The following UTRN variants were observed in gnomAD, a reference collection of about 807,000 sequenced individuals.
UTRN encodes utrophin.
UTRN carries 283 observed loss-of-function variants against 463.9 expected under a neutral mutation model. That is an observed-to-expected ratio of 0.61 (90% CI 0.55 to 0.67). The LOEUF is 0.67. Ranked by LOEUF, UTRN falls within the 30% of genes least tolerant of loss-of-function variation. UTRN has a pLI of 0.00. For synonymous variants in UTRN, 1,442 were observed against 1,431.5 expected, an observed-to-expected ratio of 1.01 and a Z score of -0.17; for missense variants, 3,922 against 4,084.3, an observed-to-expected ratio of 0.96 and a Z score of 1.08.
At chr6:144,488,968 C>G in intron 30 of UTRN, 134 bp downstream of exon 30, 1 of 834,054 alleles carries the variant, frequency 1.2e-6, no homozygotes, top group Non-Finnish European at 1.7e-6. Context: ...TACAGGGCAG[C>G]ATTTGGGTTT....
chr6:144,337,022 T>A (rs1490812554), intron 2 of UTRN, among the ~76,000 whole-genome samples: 2 of 152,108 alleles, frequency 1.3e-5, no homozygotes, highest in Non-Finnish European at 2.9e-5. Flanking sequence ...CAGATCGCTG[T>A]CAGCCACTGG....
chr6:144,568,446 C>A (rs909089021), intron 50 of UTRN, among the ~76,000 whole-genome samples: 2 of 152,056 alleles, frequency 1.3e-5, no homozygotes, highest in Admixed American at 6.6e-5. Flanking sequence ...TGTATTATCT[C>A]GTTATTTTTC....
rs200615551 is a variant in UTRN at position 144,346,821 on chromosome 6, TA to T, written c.79+54924del. On this transcript the variant is annotated intron_variant, in intron 2 of 74. Coordinates refer to ENST00000367545, the MANE Select transcript of UTRN (RefSeq NM_007124.3). The stretch of plus-strand genomic sequence containing the variant: ...CCGGGCATCAGGGCGAGACTCTGTT[TA>T]AAAAAAAAATAGATCTCTATCTCTA... Among the ~76,000 whole-genome samples, 345 of 149,836 alleles carry T rather than the reference TA, an allele frequency of 2.3e-3. 4 individuals carry two copies. The East Asian group carries it at 0.056, about 24-fold the overall frequency.
intron 14 of UTRN, 88 bp from the exon 15 acceptor site, chr6:144,447,123 A>T: frequency 8.0e-7 from 1 of 1,255,120 alleles, no homozygotes; most frequent in Non-Finnish European, 1.1e-6. Flanking sequence ...GCCTCTAATA[A>T]AATAAAAGTT....
chr6:144,585,162 A>G (rs943930646), intron 51 of UTRN, among the ~76,000 whole-genome samples: 1 of 152,138 alleles, frequency 6.6e-6, no homozygotes, highest in Non-Finnish European at 1.5e-5. Flanking sequence ...AAATAGGCAC[A>G]AGTTAAGTCA....
intron 51 of UTRN, among the ~76,000 whole-genome samples, chr6:144,619,910 G>A (rs2128646766): frequency 6.6e-6 from 1 of 152,304 alleles, no homozygotes; most frequent in South Asian, 2.1e-4. Context: ...GACCACCCAG[G>A]AAGGGCATTC....
chr6:144,523,589 G>A, intron 41 of UTRN, among the ~76,000 whole-genome samples: 1 of 152,186 alleles, frequency 6.6e-6, no homozygotes, highest in East Asian at 1.9e-4. Context: ...GGGATTACAG[G>A]TGTGAGCCAC....
At chr6:144,332,633 A>G (rs138430480) in intron 2 of UTRN, among the ~76,000 whole-genome samples, 70 of 152,302 alleles carry the variant, frequency 4.6e-4, no homozygotes, top group African/African-American at 1.7e-3. Context: ...TACTCAGAAT[A>G]CTTAAGTTAC....
chr6:144,372,307 A>G (rs1262113022), intron 2 of UTRN, among the ~76,000 whole-genome samples: 1 of 152,200 alleles, frequency 6.6e-6, no homozygotes, highest in Non-Finnish European at 1.5e-5. Context: ...TTAGTTGTGT[A>G]TGTCAGCTCT....
At chr6:144,431,494 ACTT>A (rs1416288769) in intron 9 of UTRN, among the ~76,000 whole-genome samples, 3 of 152,326 alleles carry the variant, frequency 2.0e-5, no homozygotes, top group African/African-American at 4.8e-5. Context: ...TAATAGTCAG[ACTT>A]CTTCTGCCCT....
intron 53 of UTRN, among the ~76,000 whole-genome samples, chr6:144,707,592 T>C (rs137974386): frequency 6.6e-6 from 1 of 152,340 alleles, no homozygotes; most frequent in East Asian, 1.9e-4. Flanking sequence ...TGCTCAGTTA[T>C]ATTTACCCAG....
chr6:144,842,942 C>G (rs1420440309), intron 73 of UTRN, among the ~76,000 whole-genome samples: 1 of 151,870 alleles, frequency 6.6e-6, no homozygotes, highest in African/African-American at 2.4e-5. Context: ...TGCTTATTTT[C>G]TAGGCTCTGT....
chr6:144,851,002 T>C lies in UTRN; in HGVS notation c.*5T>C, dbSNP rs141723380. 2 of 1,613,682 alleles carry C rather than the reference T, an allele frequency of 1.2e-6. No individual in the cohort carries two copies. Among genetic ancestry groups the C allele is most frequent in the Non-Finnish European group, 1.7e-6 (2 of 1,179,632 alleles). On this transcript the variant is annotated 3_prime_UTR_variant, in exon 75 of 75. Transcript: ENST00000367545. ...CCCTTCCCATAGGCAATGTGAAGTA[T>C]TCATCCGGCCAACCAATGTTTCCTG...
chr6:144,604,535 A>T (rs1220057710), intron 51 of UTRN, among the ~76,000 whole-genome samples: 1 of 152,170 alleles, frequency 6.6e-6, no homozygotes, highest in Non-Finnish European at 1.5e-5. Flanking sequence ...ATCATGAAGA[A>T]GTTGTCTTTT....
chr6:144,846,095 G>A (rs1302817373), intron 73 of UTRN, among the ~76,000 whole-genome samples: 3 of 152,180 alleles, frequency 2.0e-5, no homozygotes, highest in African/African-American at 7.2e-5. Context: ...AAGAGGGGAC[G>A]AAAAGCAGAT....
At chr6:144,555,588 G>T (rs1260344312) in intron 49 of UTRN, among the ~76,000 whole-genome samples, 2 of 152,226 alleles carry the variant, frequency 1.3e-5, no homozygotes, top group South Asian at 4.2e-4. Flanking sequence ...GCACCACCAT[G>T]CCCAGCTAAT....
intron 51 of UTRN, among the ~76,000 whole-genome samples, chr6:144,634,298 A>G (rs548287538): frequency 6.6e-6 from 1 of 152,298 alleles, no homozygotes; most frequent in South Asian, 2.1e-4. Flanking sequence ...AAGTCCTGGT[A>G]TCAGTTGGGG....
At chr6:144,714,194 T>C (rs1786117323) in intron 53 of UTRN, among the ~76,000 whole-genome samples, 1 of 152,294 alleles carries the variant, frequency 6.6e-6, no homozygotes, top group East Asian at 1.9e-4. Flanking sequence ...CTTTTTCATG[T>C]AGTTTTATTA....
chr6:144,477,869 C>CTCTATCTATCTATCTATCTA (rs34192951), intron 25 of UTRN, among the ~76,000 whole-genome samples: 2 of 148,790 alleles, frequency 1.3e-5, no homozygotes, highest in Non-Finnish European at 3.0e-5. Flanking sequence ...AAGTTTGTAT[C>CTCTATCTATCTATCTATCTA]TCTATCTATC....
Sources: gnomAD v4.1 joint callset for allele counts (sites outside exome capture counted in the v4.1 genomes callset) on GRCh38, gnomAD v4.1.1 for gene constraint, MANE v1.5 for transcripts, NCBI Gene and HGNC (gene_info 2026-07-23, HGNC 2026-07-21) for gene names.